The following CHD5 variants were observed in gnomAD, a reference collection of about 807,000 sequenced individuals.
CHD5 encodes the protein ATP-dependent chromatin remodeler CHD5.
Under a neutral mutation model 230.3 loss-of-function variants are expected in CHD5, and 69 were observed. That is an observed-to-expected ratio of 0.30 (90% CI 0.25 to 0.37). The LOEUF (loss-of-function observed/expected upper bound fraction) is 0.37, where lower values mean the gene tolerates loss of function less well. Among genes scored for constraint, CHD5 ranks in the 10% least tolerant of loss-of-function variants. The pLI is 1.00. For synonymous variants in CHD5, 1,064 were observed against 1,065.9 expected (o/e 1.00, Z 0.03); for missense variants, 1,827 against 2,622.8 (o/e 0.70, Z 6.63).
Position 6,111,862 on chromosome 1 carries a change from T to C in CHD5, c.5162A>G (p.Asn1721Ser). 1 of 1,613,256 alleles carries C rather than the reference T, an allele frequency of 6.2e-7. No individual in the cohort carries two copies. Among genetic ancestry groups the C allele is most frequent in the Non-Finnish European group, 8.5e-7 (1 of 1,179,988 alleles). Residue 1721 changes from asparagine (N) to serine (S), a missense_variant, in exon 36 of 42, where the codon AAC becomes AGC. Physicochemically the swap from Asn to Ser is conservative, Grantham distance 46 (BLOSUM62 1). Around this residue, in one of 14 missense-constraint regions of CHD5, gnomAD observed 272 missense variants for 263.2 expected, o/e 1.03. Coordinates refer to ENST00000262450, the MANE Select transcript of CHD5 (RefSeq NM_015557.3). ...AGAGGATACAGCAGCCCGCTCCTCG[T>C]TCTGCCACAGCGTGTGCAACTCTGG... is the stretch of plus-strand genomic sequence containing the variant. ...GFTELHTLWQ[N>S]EERAAVSSGK... is the part of the protein sequence containing the mutation.
At position 6,145,660 on chromosome 1, in the gene CHD5, G is replaced by C. The variant is rs187929574; in HGVS notation, c.1802+552C>G. Among the ~76,000 whole-genome samples, 144 of 152,346 alleles carry C rather than the reference G, an allele frequency of 9.5e-4. 1 individual carries two copies. The highest frequency in any genetic ancestry group is 3.5e-3 in the South Asian group (17 of 4,830). On this transcript the variant is annotated intron_variant, in intron 11 of 41. Transcript: ENST00000262450. ...CAGGAAGAGCTGCTGCTGGGGCACT[G>C]GGGGGTGCAACAGTAGCTAAGAAAG...
At position 6,154,383 on chromosome 1, in the gene CHD5, C is replaced by A. The variant is rs1047363193; in HGVS notation, c.745+277G>T. Reference sequence around the variant, plus strand: ...CTCCAGGCCCACGTCGGGGGCACCTCCTGGCTGGCCAGGCTCAAACCTCCC... The same window carrying A: ...CTCCAGGCCCACGTCGGGGGCACCTACTGGCTGGCCAGGCTCAAACCTCCC... On this transcript the variant is annotated intron_variant, in intron 5 of 41. Coordinates refer to ENST00000262450, the MANE Select transcript of CHD5 (RefSeq NM_015557.3). This position sits in a 1 kb window ranked among gnomAD's most constrained non-coding sequence, Gnocchi z 7.0. Among the ~76,000 whole-genome samples the A allele has an allele frequency of 6.6e-5, 10 of 152,188 alleles. No individual in the cohort carries two copies. The highest frequency in any genetic ancestry group is 2.4e-4 in the African/African-American group (10 of 41,450).
chr1:6,175,731 CATAT>C, intron 1 of CHD5, among the ~76,000 whole-genome samples: 1 of 147,216 alleles, frequency 6.8e-6, no homozygotes, highest in East Asian at 2.1e-4. Context: ...GATGGATATA[CATAT>C]GGATAGATAG....
intron 33 of CHD5, among the ~76,000 whole-genome samples, chr1:6,120,463 G>A (rs1021327672): frequency 4.7e-5 from 7 of 150,032 alleles, no homozygotes; most frequent in African/African-American, 1.7e-4. Context: ...GAGGTCAGGA[G>A]GTCGAGACCA....
At chr1:6,156,335 G>C (rs1200523978) in intron 3 of CHD5, among the ~76,000 whole-genome samples, 2 of 152,106 alleles carry the variant, frequency 1.3e-5, no homozygotes, top group Admixed American at 1.3e-4. Flanking sequence ...TCAGGAGTTA[G>C]AGACCAGCCG....
chr1:6,137,971 G>A (rs542823691), intron 15 of CHD5, among the ~76,000 whole-genome samples: 216 of 152,302 alleles, frequency 1.4e-3, no homozygotes, highest in Non-Finnish European at 2.4e-3. Flanking sequence ...GGTTGGGGAG[G>A]GGGAGCCAGG....
At chr1:6,108,100 GATGGTGGAGACATGGAGGC>G in intron 38 of CHD5, among the ~76,000 whole-genome samples, 1 of 144,696 alleles carries the variant, frequency 6.9e-6, no homozygotes, top group Non-Finnish European at 1.5e-5. Flanking sequence ...ATGATGGAGG[GATGGTGGAGACATGGAGGC>G]ATAGAGGGAT....
intron 1 of CHD5, among the ~76,000 whole-genome samples, chr1:6,175,170 T>C (rs1047686038): frequency 7.0e-6 from 1 of 143,084 alleles, no homozygotes; most frequent in African/African-American, 2.7e-5. Flanking sequence ...GGTGGGCGGA[T>C]GGTGGGTGGA....
chr1:6,123,486 G>T (rs1260013681), intron 31 of CHD5, among the ~76,000 whole-genome samples: 7 of 152,014 alleles, frequency 4.6e-5, no homozygotes, highest in Admixed American at 6.5e-5. Flanking sequence ...GAGTGCAGTG[G>T]TGTGATCTTG....
Position 6,152,500 on chromosome 1 carries a change from T to A in CHD5, c.782A>T (p.Asp261Val), listed in dbSNP as rs1373605926. The A allele has an allele frequency of 1.9e-6, 3 of 1,614,008 alleles. No homozygotes were observed. Among genetic ancestry groups the A allele is most frequent in the Non-Finnish European group, 2.5e-6 (3 of 1,180,044 alleles). Residue 261 changes from aspartate to valine, a missense_variant, in exon 6 of 42, where the codon GAT (aspartate) becomes GTT (valine). Asp to Val is a radical substitution (Grantham distance 152). Coordinates refer to ENST00000262450, the MANE Select transcript of CHD5 (RefSeq NM_015557.3). ...TTTCCCTTTGCCCTTTTTCTTCCCATCTTTGGAGCCTTTGATCTTCTTCCT... is the reference window on the plus strand; with the variant it reads ...TTTCCCTTTGCCCTTTTTCTTCCCAACTTTGGAGCCTTTGATCTTCTTCCT... ...GVRKKIKGSK[D>V]GKKKGKGKKT...
intron 9 of CHD5, 130 bp downstream of exon 9, chr1:6,148,724 A>G: frequency 4.6e-6 from 3 of 645,802 alleles, no homozygotes; most frequent in Non-Finnish European, 2.4e-6. Flanking sequence ...GCTTTGCGGG[A>G]TCGGCTACCG....
intron 15 of CHD5, 30 bp from the exon 16 acceptor site, chr1:6,136,895 A>G: frequency 1.3e-6 from 2 of 1,584,852 alleles, no homozygotes; most frequent in Non-Finnish European, 1.7e-6. Context: ...TGGGGATGAG[A>G]CGGCTGGGAG....
chr1:6,129,094 C>T lies in CHD5; in HGVS notation c.3388-25G>A. Reference sequence around the variant, plus strand: ...CCTGGGGAGACCTGCACCTCAGCACCCGTGGCTCACCCAGGGCTCCAGGCA... The same window carrying T: ...CCTGGGGAGACCTGCACCTCAGCACTCGTGGCTCACCCAGGGCTCCAGGCA... On this transcript the variant is annotated intron_variant, in intron 22 of 41. Transcript: ENST00000262450. This position sits in a 1 kb window ranked among gnomAD's most constrained non-coding sequence, Gnocchi z 6.8. 6.5e-7 allele frequency: 1 copy of T among 1,548,190 alleles called. No individual in the cohort carries two copies. The highest frequency in any genetic ancestry group is 8.8e-7 in the Non-Finnish European group (1 of 1,132,444).
At chr1:6,161,765 CT>C (rs200878438) in intron 2 of CHD5, among the ~76,000 whole-genome samples, 5 of 152,310 alleles carry the variant, frequency 3.3e-5, no homozygotes, top group African/African-American at 9.6e-5. Flanking sequence ...CACGCTCTCC[CT>C]GAGCCCTCAC....
chr1:6,138,802 G>A (rs764324054), intron 15 of CHD5, among the ~76,000 whole-genome samples: 5 of 152,214 alleles, frequency 3.3e-5, no homozygotes, highest in Non-Finnish European at 7.3e-5. Flanking sequence ...AAAGGGATAT[G>A]TGCACACCCA....
rs184128161 is a variant in CHD5, at chr1:6,151,422, C to T, written c.871-267G>A. 8.9e-4 allele frequency among the ~76,000 whole-genome samples: 135 copies of T among 152,334 alleles called. 2 individuals carry two copies. Among genetic ancestry groups the T allele is most frequent in the African/African-American group, 3.1e-3 (130 of 41,560 alleles). ...TCTGAACAGCTTCCCAGGCCTTGCCCTCCATCCTGCCAAACTCCTAAACAT... is the reference window on the plus strand; with the variant it reads ...TCTGAACAGCTTCCCAGGCCTTGCCTTCCATCCTGCCAAACTCCTAAACAT... On this transcript the variant is annotated intron_variant, in intron 6 of 41. Transcript: ENST00000262450.
chr1:6,139,253 T>C (rs1048463982), intron 15 of CHD5, among the ~76,000 whole-genome samples: 2 of 152,152 alleles, frequency 1.3e-5, no homozygotes, highest in Non-Finnish European at 2.9e-5. Flanking sequence ...GTTGTTGTTT[T>C]GGTTTTTCTG....
Position 6,112,123 on chromosome 1 carries a change from ACCC to A in CHD5, c.5140+14_5140+16del, listed in dbSNP as rs1666301249. The A allele has an allele frequency of 6.2e-7, 1 of 1,611,038 alleles. No homozygotes were observed. The highest frequency in any genetic ancestry group is 1.3e-5 in the African/African-American group (1 of 74,808). ...TCAGGAAGCCTCAGCTCTCTGCCCAACCCCCAACCCCAATACCCGTGAAGCCCC... is the reference window on the plus strand; with the variant it reads ...TCAGGAAGCCTCAGCTCTCTGCCCAACCAACCCCAATACCCGTGAAGCCCC... On this transcript the variant is annotated intron_variant, in intron 35 of 41. Transcript: ENST00000262450.
At chr1:6,138,114 G>T (rs897630973) in intron 15 of CHD5, among the ~76,000 whole-genome samples, 1 of 152,176 alleles carries the variant, frequency 6.6e-6, no homozygotes, top group African/African-American at 2.4e-5. Context: ...AGTGGCTCCC[G>T]CCTATAATCC....
Sources: gnomAD v4.1 joint callset for allele counts (sites outside exome capture counted in the v4.1 genomes callset) on GRCh38, gnomAD v4.1.1 for gene constraint, gnomAD v4.1.1 regional missense constraint, Gnocchi (gnomAD v3.1) non-coding constraint, MANE v1.5 for transcripts, NCBI Gene and HGNC (gene_info 2026-07-23, HGNC 2026-07-21) for gene names.